CNTN5: variants seen among roughly 807,000 people sequenced by gnomAD.
CNTN5 encodes contactin-5.
Under a neutral mutation model 129.1 loss-of-function variants are expected in CNTN5, and 77 were observed. The observed-to-expected ratio is 0.60, with a 90% CI of 0.50 to 0.72. The LOEUF is 0.72. Ranked by LOEUF, CNTN5 falls within the 30% of genes least tolerant of loss-of-function variation. The probability of loss-of-function intolerance (pLI) is 0.00; values close to 1 mark genes in which losing one functional copy is unlikely to be tolerated. For synonymous variants in CNTN5, 509 were observed against 465.6 expected (o/e 1.09, Z -1.20); for missense variants, 1,478 against 1,328.8 (o/e 1.11, Z -1.75).
chr11:99,610,203 C>T (rs923176356), intron 3 of CNTN5, among the ~76,000 whole-genome samples: 1 of 152,092 alleles, frequency 6.6e-6, no homozygotes, highest in Non-Finnish European at 1.5e-5. Context: ...TATTAAGTCC[C>T]TTTTTCCCAA....
intron 1 of CNTN5, among the ~76,000 whole-genome samples, chr11:99,248,483 A>T (rs552186685): frequency 0.01 from 1,564 of 151,946 alleles, 28 homozygotes; most frequent in African/African-American, 0.035. Context: ...CCCATTTGTC[A>T]ATTTTGGCTT....
At chr11:100,247,569 T>C (rs1949869416) in intron 16 of CNTN5, among the ~76,000 whole-genome samples, 1 of 152,028 alleles carries the variant, frequency 6.6e-6, no homozygotes, top group African/African-American at 2.4e-5. Flanking sequence ...AATGACCCAA[T>C]CCCACGTGAA....
intron 2 of CNTN5, among the ~76,000 whole-genome samples, chr11:99,456,692 T>C (rs1944508175): frequency 2.6e-5 from 4 of 152,086 alleles, no homozygotes. Flanking sequence ...AGGGCTAAGT[T>C]TTGTTTTAAT....
chr11:100,019,071 CA>C (rs1335239418), intron 9 of CNTN5, among the ~76,000 whole-genome samples: 3 of 151,862 alleles, frequency 2.0e-5, no homozygotes, highest in Non-Finnish European at 2.9e-5. Flanking sequence ...ATGTGATTCG[CA>C]AATATTTTCT....
chr11:100,179,978 T>A (rs1948086984), intron 13 of CNTN5, among the ~76,000 whole-genome samples: 1 of 151,972 alleles, frequency 6.6e-6, no homozygotes, highest in African/African-American at 2.4e-5. Context: ...CTACCAAACA[T>A]TTAAGGCAAA....
intron 8 of CNTN5, among the ~76,000 whole-genome samples, chr11:99,963,850 G>A (rs1428519540): frequency 2.0e-5 from 3 of 152,094 alleles, no homozygotes; most frequent in Admixed American, 6.5e-5. Flanking sequence ...GTGGTTTGTA[G>A]TTCTCCTTGA....
chr11:99,601,952 T>C (rs1950324104), intron 3 of CNTN5, among the ~76,000 whole-genome samples: 1 of 152,224 alleles, frequency 6.6e-6, no homozygotes, highest in African/African-American at 2.4e-5. Flanking sequence ...ACAAAATGCA[T>C]AACCATTTTA....
intron 13 of CNTN5, among the ~76,000 whole-genome samples, chr11:100,112,907 C>T (rs922191324): frequency 2.0e-5 from 3 of 152,082 alleles, no homozygotes; most frequent in African/African-American, 7.2e-5. Flanking sequence ...CATAGCTATG[C>T]TCAGGTGATA....
intron 3 of CNTN5, among the ~76,000 whole-genome samples, chr11:99,775,633 G>C (rs1945097155): frequency 6.6e-6 from 1 of 151,850 alleles, no homozygotes; most frequent in African/African-American, 2.4e-5. Flanking sequence ...TTTTCTTCGG[G>C]CATATGCAAA....
At chr11:99,139,643 G>A (rs990099427) in intron 1 of CNTN5, among the ~76,000 whole-genome samples, 1 of 152,074 alleles carries the variant, frequency 6.6e-6, no homozygotes, top group African/African-American at 2.4e-5. Flanking sequence ...TGTATTTAAT[G>A]TTACTTTCAT....
At position 99,719,143 on chromosome 11, in the gene CNTN5, AC is replaced by A. The variant is rs955204952; in HGVS notation, c.56-100397del. On this transcript the variant is annotated intron_variant, in intron 3 of 24. Coordinates refer to ENST00000524871, the MANE Select transcript of CNTN5 (RefSeq NM_014361.4). ...AGACCACCTGGACAACATTAATGAAACCCCATCTCTAGTAAGAATACAAAAA... is the reference window on the plus strand; with the variant it reads ...AGACCACCTGGACAACATTAATGAAACCCATCTCTAGTAAGAATACAAAAA... Among the ~76,000 whole-genome samples the A allele has an allele frequency of 1.4e-4, 21 of 151,926 alleles. 1 individual carries two copies. The highest frequency in any genetic ancestry group is 1.4e-3 in the Admixed American group (21 of 15,222).
At chr11:100,010,456 A>AT (rs1437134682) in intron 9 of CNTN5, among the ~76,000 whole-genome samples, 1 of 152,050 alleles carries the variant, frequency 6.6e-6, no homozygotes, top group East Asian at 1.9e-4. Flanking sequence ...CTTGAACTGT[A>AT]TTTTATTGCT....
chr11:100,125,323 C>A (rs1397424519), intron 13 of CNTN5, among the ~76,000 whole-genome samples: 2 of 152,014 alleles, frequency 1.3e-5, no homozygotes, highest in African/African-American at 4.8e-5. Context: ...TTGGACCTCT[C>A]CCTACTTCCC....
chr11:99,925,948 C>T (rs1365864605), intron 7 of CNTN5, among the ~76,000 whole-genome samples: 1 of 152,134 alleles, frequency 6.6e-6, no homozygotes, highest in African/African-American at 2.4e-5. Flanking sequence ...TGGTCTCAGA[C>T]ATCCAGGGAT....
intron 1 of CNTN5, among the ~76,000 whole-genome samples, chr11:99,295,245 G>A (rs535363482): frequency 6.6e-6 from 1 of 152,182 alleles, no homozygotes; most frequent in African/African-American, 2.4e-5. Context: ...CTACTCACTT[G>A]ACTAAGTAGT....
At chr11:99,247,363 G>A (rs974614715) in intron 1 of CNTN5, among the ~76,000 whole-genome samples, 3 of 152,016 alleles carry the variant, frequency 2.0e-5, no homozygotes, top group Admixed American at 6.6e-5. Flanking sequence ...TCCAAAGTCT[G>A]ATGTACCATA....
chr11:100,012,194 A>G (rs1940571721), intron 9 of CNTN5, among the ~76,000 whole-genome samples: 1 of 152,114 alleles, frequency 6.6e-6, no homozygotes, highest in African/African-American at 2.4e-5. Flanking sequence ...ATCATGAACT[A>G]TTGCTTGCTT....
At chr11:99,827,354 G>T (rs1946995819) in intron 4 of CNTN5, among the ~76,000 whole-genome samples, 1 of 152,194 alleles carries the variant, frequency 6.6e-6, no homozygotes, top group African/African-American at 2.4e-5. Context: ...CTCCCAAAGT[G>T]CTGGGATTAC....
At position 99,971,669 on chromosome 11, in the gene CNTN5, C is replaced by T. The variant is rs141709107; in HGVS notation, c.877+14660C>T. 2.5e-3 allele frequency among the ~76,000 whole-genome samples: 377 copies of T among 151,984 alleles called. 5 individuals are homozygous for T. Among genetic ancestry groups the T allele is most frequent in the African/African-American group, 8.7e-3 (359 of 41,352 alleles). Reference sequence around the variant, plus strand: ...ATAGCTTCCCGTATCTAAGGTATTTCGCTACCCATGAGAAAACATTATTCT... The same window carrying T: ...ATAGCTTCCCGTATCTAAGGTATTTTGCTACCCATGAGAAAACATTATTCT... On this transcript the variant is annotated intron_variant, in intron 8 of 24. Transcript: ENST00000524871.
Sources: allele counts gnomAD v4.1 joint callset (sites outside exome capture counted in the v4.1 genomes callset), GRCh38; gene constraint gnomAD v4.1.1; transcripts MANE v1.5; gene names NCBI Gene and HGNC (gene_info 2026-07-23, HGNC 2026-07-21).